Variants in MIAT observed in about 807,000 individuals in gnomAD.
The protein encoded by MIAT is myocardial infarction associated transcript.
chr22:26,671,482 CAACT>C (rs910180315), downstream of MIAT: 6 of 398,742 alleles, frequency 1.5e-5, no homozygotes, highest in Non-Finnish European at 1.8e-5. Context: ...TTCTGCCAAC[CAACT>C]AACCCACTAA....
exon 5 of MIAT, chr22:26,675,997 T>G: frequency 2.5e-6 from 1 of 398,650 alleles, no homozygotes; most frequent in Non-Finnish European, 4.4e-6. Context: ...AGCAGGCACA[T>G]TCTCTTCGAC....
At chr22:26,673,750 GAGTC>G, downstream of MIAT, 1 of 398,740 alleles carries the variant, frequency 2.5e-6, no homozygotes, top group East Asian at 3.6e-5. Context: ...TGGCTGCTCT[GAGTC>G]AGAACAATCA....
At chr22:26,671,390 C>G (rs1602372926), downstream of MIAT, 1 of 398,704 alleles carries the variant, frequency 2.5e-6, no homozygotes, top group African/African-American at 2.1e-5. Flanking sequence ...CTGGAGGGGC[C>G]GGGGCAGTGT....
intron 2 of MIAT, among the ~76,000 whole-genome samples, chr22:26,661,941 T>TCTATATAGATCC (rs1569220547): frequency 2.3e-5 from 2 of 85,142 alleles, no homozygotes; most frequent in Non-Finnish European, 4.7e-5. Flanking sequence ...TATATATATA[T>TCTATATAGATCC]ATATATATAT....
intron 3 of MIAT, among the ~76,000 whole-genome samples, chr22:26,664,602 A>G (rs573749442): frequency 3.3e-5 from 5 of 152,308 alleles, no homozygotes; most frequent in African/African-American, 1.2e-4. Context: ...GAGATCATAC[A>G]ATATGTGTTC....
At chr22:26,658,668 C>A (rs946041375) in intron 2 of MIAT, among the ~76,000 whole-genome samples, 7 of 152,180 alleles carry the variant, frequency 4.6e-5, no homozygotes, top group African/African-American at 1.7e-4. Flanking sequence ...CCCTGGATTC[C>A]CCACCCTCAT....
downstream of MIAT, chr22:26,673,571 C>CT (rs1237028623): frequency 2.5e-6 from 1 of 398,588 alleles, no homozygotes; most frequent in East Asian, 3.6e-5. Context: ...TTTTTTCTGA[C>CT]TAACAACAGG....
exon 6 of MIAT, chr22:26,668,972 C>G (rs1002899661): frequency 7.5e-6 from 3 of 398,306 alleles, no homozygotes; most frequent in Middle Eastern, 1.3e-3. Flanking sequence ...GGTTTTTTTT[C>G]CTGCCATCCA....
intron 2 of MIAT, chr22:26,657,191 G>A (rs1238965948): frequency 1.6e-5 from 4 of 252,592 alleles, no homozygotes; most frequent in Non-Finnish European, 2.2e-5. Context: ...TGAGCTCTCT[G>A]CGGCCTAATG....
chr22:26,655,194 C>G (rs1433059723), intron 2 of MIAT, among the ~76,000 whole-genome samples: 1 of 152,142 alleles, frequency 6.6e-6, no homozygotes, highest in Non-Finnish European at 1.5e-5. Flanking sequence ...CTAAAGCCTC[C>G]TTGGGACTCT....
At chr22:26,648,361 C>A (rs1268086434) in intron 2 of MIAT, among the ~76,000 whole-genome samples, 2 of 152,114 alleles carry the variant, frequency 1.3e-5, no homozygotes, top group African/African-American at 4.8e-5. Flanking sequence ...CCTGCACGCA[C>A]GTAGGCAAGC....
At chr22:26,661,502 C>T (rs1930661418) in intron 2 of MIAT, among the ~76,000 whole-genome samples, 1 of 152,148 alleles carries the variant, frequency 6.6e-6, no homozygotes, top group Non-Finnish European at 1.5e-5. Context: ...CTAACCCTAA[C>T]TACCACTTTG....
chr22:26,647,290 G>T, exon 2 of MIAT: 1 of 384,568 alleles, frequency 2.6e-6, no homozygotes, highest in Non-Finnish European at 4.6e-6. Flanking sequence ...GTGCCCTGGA[G>T]ATGCTGGGAT....
chr22:26,675,049 A>G, exon 5 of MIAT: 3 of 398,826 alleles, frequency 7.5e-6, no homozygotes, highest in South Asian at 1.3e-4. Flanking sequence ...TGTGCCAGGC[A>G]TTGGGGATGT....
intron 2 of MIAT, among the ~76,000 whole-genome samples, chr22:26,652,685 G>T (rs1347021680): frequency 2.0e-5 from 3 of 152,072 alleles, no homozygotes; most frequent in Non-Finnish European, 4.4e-5. Context: ...GAGGCACCCA[G>T]TGGGCTGATA....
chr22:26,657,297 G>A (rs961210391), intron 2 of MIAT: 4 of 392,250 alleles, frequency 1.0e-5, no homozygotes, highest in Middle Eastern at 6.4e-4. Flanking sequence ...GGGGGCTGCG[G>A]AGTGCTCCCT....
rs10529015 is a variant in MIAT, at chr22:26,665,247, AAAAGAAAG to A, written n.730-248_730-241del. Among the ~76,000 whole-genome samples, 704 of 144,264 alleles carry A rather than the reference AAAAGAAAG, an allele frequency of 4.9e-3. 8 individuals carry two copies. The highest frequency in any genetic ancestry group is 0.039 in the East Asian group (189 of 4,850). The allele number at this position is 144,264 out of a possible 152,430, so 94.6% of individuals were successfully genotyped here. On this transcript the variant is annotated intron_variant and non_coding_transcript_variant, in intron 3 of 5. Coordinates refer to ENST00000643270, the Ensembl canonical transcript of MIAT. Reference sequence around the variant, plus strand: ...CAGAGTGAGATCCTGTCTCCAGAAAAAAAGAAAGAAAGAAAGAAAGAAAGAAAGAAAGA... The same window carrying A: ...CAGAGTGAGATCCTGTCTCCAGAAAAAAAGAAAGAAAGAAAGAAAGAAAGA...
At chr22:26,657,449 C>G (rs1215427733) in intron 2 of MIAT, 2 of 398,630 alleles carry the variant, frequency 5.0e-6, no homozygotes, top group South Asian at 1.3e-4. Flanking sequence ...GCCCGCCAGC[C>G]GCTCCCGCAT....
chr22:26,663,357 T>C (rs1930735996), exon 3 of MIAT: 2 of 398,572 alleles, frequency 5.0e-6, no homozygotes, highest in Admixed American at 4.4e-5. Flanking sequence ...GACACGTTCA[T>C]GTGGCCACCA....
Sources: allele counts gnomAD v4.1 joint callset (sites outside exome capture counted in the v4.1 genomes callset), GRCh38; gene constraint gnomAD v4.1.1; transcripts MANE v1.5; gene names NCBI Gene and HGNC (gene_info 2026-07-23, HGNC 2026-07-21).